The following SPIDR variants were observed in gnomAD, a reference collection of about 807,000 sequenced individuals.
SPIDR encodes DNA repair-scaffolding protein.
Under a neutral mutation model 104.6 loss-of-function variants are expected in SPIDR, and 93 were observed. The ratio of observed to expected loss-of-function variants is 0.89; its 90% confidence interval spans 0.75 to 1.06. SPIDR has a LOEUF of 1.06. SPIDR is among the 50% of genes least tolerant of loss of function. SPIDR has a pLI of 0.00. For missense variants in SPIDR, 1,154 were observed against 1,111.2 expected, an observed-to-expected ratio of 1.04 and a Z score of -0.55; for synonymous variants, 431 against 416.9, an observed-to-expected ratio of 1.03 and a Z score of -0.41.
chr8:47,564,686 GAA>G (rs79077645), intron 8 of SPIDR, among the ~76,000 whole-genome samples: 5 of 83,410 alleles, frequency 6.0e-5, no homozygotes, highest in African/African-American at 8.6e-5. Context: ...TCTCCAAAAA[GAA>G]AAAAAAAAAA....
intron 5 of SPIDR, among the ~76,000 whole-genome samples, chr8:47,306,776 A>G (rs1363855337): frequency 2.0e-5 from 3 of 152,052 alleles, no homozygotes; most frequent in African/African-American, 7.2e-5. Context: ...GAGGTCTTTT[A>G]ATTGGTGCAT....
intron 5 of SPIDR, among the ~76,000 whole-genome samples, chr8:47,335,746 G>C (rs2049577130): frequency 6.6e-6 from 1 of 152,152 alleles, no homozygotes; most frequent in Non-Finnish European, 1.5e-5. Context: ...ACCATGCCCA[G>C]GCCTCTCACA....
intron 8 of SPIDR, among the ~76,000 whole-genome samples, chr8:47,479,759 T>C (rs2076686377): frequency 6.6e-6 from 1 of 152,198 alleles, no homozygotes; most frequent in Admixed American, 6.5e-5. Context: ...GGAAAGTTCT[T>C]GTAGACTAAT....
At chr8:47,529,361 T>C (rs1387531863) in intron 8 of SPIDR, among the ~76,000 whole-genome samples, 1 of 151,932 alleles carries the variant, frequency 6.6e-6, no homozygotes, top group Non-Finnish European at 1.5e-5. Flanking sequence ...GAGGTTGCAG[T>C]GAGCCGAGAT....
At chr8:47,655,477 G>T (rs1036329199) in intron 10 of SPIDR, among the ~76,000 whole-genome samples, 1 of 152,194 alleles carries the variant, frequency 6.6e-6, no homozygotes, top group Non-Finnish European at 1.5e-5. Flanking sequence ...GATGGCCAGT[G>T]ATGATGAGCA....
intron 6 of SPIDR, among the ~76,000 whole-genome samples, chr8:47,407,050 T>C (rs1469422367): frequency 6.6e-6 from 1 of 152,234 alleles, no homozygotes; most frequent in Non-Finnish European, 1.5e-5. Context: ...ATTATAGTTA[T>C]GTTAGTAGTT....
rs1214999064 is a variant in SPIDR at position 47,437,216 on chromosome 8, G to A, written c.878-3107G>A. Among the ~76,000 whole-genome samples the A allele has an allele frequency of 7.9e-5, 12 of 151,380 alleles. No individual in the cohort carries two copies. In the East Asian group the frequency reaches 2.3e-3, roughly 30 times the overall value. On this transcript the variant is annotated intron_variant, in intron 7 of 19. Coordinates refer to ENST00000297423, the MANE Select transcript of SPIDR (RefSeq NM_001080394.4). The stretch of plus-strand genomic sequence containing the variant: ...CCGCTAACTCGTCATCTAGCATTAG[G>A]TATATTTCCCAATGCTATCCCTCCC...
intron 8 of SPIDR, among the ~76,000 whole-genome samples, chr8:47,490,444 C>A (rs1242952090): frequency 6.6e-6 from 1 of 152,176 alleles, no homozygotes; most frequent in Non-Finnish European, 1.5e-5. Flanking sequence ...GTGGCGATTC[C>A]TCAAGGATCT....
At chr8:47,274,900 A>G (rs1446401957) in intron 1 of SPIDR, among the ~76,000 whole-genome samples, 8 of 151,348 alleles carry the variant, frequency 5.3e-5, no homozygotes, top group Non-Finnish European at 8.8e-5. Context: ...AATTGTTCTC[A>G]TTACTAATCA....
intron 8 of SPIDR, among the ~76,000 whole-genome samples, chr8:47,570,002 C>T (rs1017116057): frequency 3.3e-5 from 5 of 152,130 alleles, no homozygotes; most frequent in African/African-American, 7.2e-5. Flanking sequence ...AGGCAATACT[C>T]ACCAAATTGA....
chr8:47,537,686 C>G (rs4873477), intron 8 of SPIDR, among the ~76,000 whole-genome samples: 3,924 of 152,118 alleles, frequency 0.026, 276 homozygotes, highest in Admixed American at 0.15. Flanking sequence ...AGAGTGAACC[C>G]AATGTAAACT....
chr8:47,506,849 G>A (rs781767624), intron 8 of SPIDR, among the ~76,000 whole-genome samples: 2 of 152,144 alleles, frequency 1.3e-5, no homozygotes, highest in Non-Finnish European at 2.9e-5. Context: ...TTATTATGTA[G>A]CAGGCGGTCC....
At chr8:47,651,506 G>T (rs1372010192) in intron 10 of SPIDR, among the ~76,000 whole-genome samples, 2 of 152,208 alleles carry the variant, frequency 1.3e-5, no homozygotes, top group Non-Finnish European at 2.9e-5. Context: ...TGGTGGGAAT[G>T]TAAATTAGTA....
intron 5 of SPIDR, among the ~76,000 whole-genome samples, chr8:47,363,199 CTTTTTTTTTTT>C (rs34705214): frequency 6.3e-5 from 5 of 79,694 alleles, no homozygotes; most frequent in Non-Finnish European, 1.1e-4. Context: ...CTTTATCTCT[CTTTTTTTTTTT>C]TTTTTTTTTT....
In SPIDR at chr8:47,612,687, G is replaced by A. The variant is rs528662023; in HGVS notation, c.1544+13491G>A. Among the ~76,000 whole-genome samples the A allele has an allele frequency of 7.9e-5, 12 of 152,342 alleles. No individual in the cohort carries two copies. In the South Asian group the frequency reaches 1.4e-3, roughly 18 times the overall value. ...ATAGCCCAAGGAGCTGAGGAGCAAC[G>A]ATGAAGCCACATACCTGTGAGCACT... On this transcript the variant is annotated intron_variant, in intron 10 of 19. Transcript: ENST00000297423.
intron 10 of SPIDR, among the ~76,000 whole-genome samples, chr8:47,626,085 A>G (rs578251587): frequency 6.6e-6 from 1 of 152,194 alleles, no homozygotes; most frequent in African/African-American, 2.4e-5. Context: ...ATAATGCCGC[A>G]TATCTACAAC....
At chr8:47,616,623 CTTT>C (rs1236024121) in intron 10 of SPIDR, among the ~76,000 whole-genome samples, 1 of 152,076 alleles carries the variant, frequency 6.6e-6, no homozygotes, top group African/African-American at 2.4e-5. Context: ...CGTATCATTA[CTTT>C]TTTATTTAAT....
intron 10 of SPIDR, among the ~76,000 whole-genome samples, chr8:47,625,326 C>G (rs1426579495): frequency 6.6e-6 from 1 of 152,174 alleles, no homozygotes; most frequent in African/African-American, 2.4e-5. Context: ...AAAACTGGCA[C>G]AAGACAGGGA....
intron 10 of SPIDR, among the ~76,000 whole-genome samples, chr8:47,661,900 A>G (rs1328889206): frequency 6.6e-6 from 1 of 152,200 alleles, no homozygotes; most frequent in East Asian, 1.9e-4. Flanking sequence ...GGTTTGAGTC[A>G]CATTCTCCAT....
Sources: allele counts gnomAD v4.1 joint callset (sites outside exome capture counted in the v4.1 genomes callset), GRCh38; gene constraint gnomAD v4.1.1; transcripts MANE v1.5; gene names NCBI Gene and HGNC (gene_info 2026-07-23, HGNC 2026-07-21).